Variants in PPP1R9A observed in about 807,000 individuals in gnomAD.
PPP1R9A encodes the protein neurabin-1.
PPP1R9A carries 59 observed loss-of-function variants against 141.9 expected under a neutral mutation model. The ratio of observed to expected loss-of-function variants is 0.42; its 90% confidence interval spans 0.34 to 0.52. The LOEUF is 0.52. PPP1R9A is among the 20% of genes least tolerant of loss of function. PPP1R9A has a pLI of 0.10. For synonymous variants in PPP1R9A, 500 were observed against 569.7 expected, an observed-to-expected ratio of 0.88 and a Z score of 1.74; for missense variants, 1,444 against 1,611.9, an observed-to-expected ratio of 0.90 and a Z score of 1.78.
chr7:95,047,814 C>T (rs555983549), intron 2 of PPP1R9A, among the ~76,000 whole-genome samples: 92 of 152,210 alleles, frequency 6.0e-4, no homozygotes, highest in Non-Finnish European at 1.1e-3. Flanking sequence ...TAGGCCTTTG[C>T]AGTTGGAAGT....
intron 2 of PPP1R9A, among the ~76,000 whole-genome samples, chr7:94,970,643 T>G (rs916985079): frequency 7.3e-5 from 11 of 150,638 alleles, no homozygotes; most frequent in Admixed American, 2.6e-4. Context: ...TTTTTTTTTT[T>G]TTTTTTTTTT....
At chr7:95,032,312 G>T (rs1395515965) in intron 2 of PPP1R9A, among the ~76,000 whole-genome samples, 2 of 152,054 alleles carry the variant, frequency 1.3e-5, no homozygotes, top group Admixed American at 6.6e-5. Context: ...ATGAAAACAT[G>T]TCACAGAGAG....
chr7:94,923,760 G>T (rs1311969114), intron 2 of PPP1R9A, among the ~76,000 whole-genome samples: 1 of 152,178 alleles, frequency 6.6e-6, no homozygotes, highest in African/African-American at 2.4e-5. Context: ...AGATAATGTT[G>T]TAGTATATAA....
At chr7:95,279,788 TTC>T (rs1803827486) in intron 16 of PPP1R9A, among the ~76,000 whole-genome samples, 1 of 152,238 alleles carries the variant, frequency 6.6e-6, no homozygotes, top group Non-Finnish European at 1.5e-5. Context: ...GTGGACACAT[TTC>T]TCTTTCAGAT....
At chr7:95,072,957 A>C (rs1402177336) in intron 2 of PPP1R9A, among the ~76,000 whole-genome samples, 1 of 130,144 alleles carries the variant, frequency 7.7e-6, no homozygotes, top group Non-Finnish European at 1.6e-5. Flanking sequence ...ATATATTATA[A>C]TATGTTATAT....
chr7:95,124,563 T>G (rs1468831345), intron 4 of PPP1R9A, among the ~76,000 whole-genome samples: 2 of 152,090 alleles, frequency 1.3e-5, no homozygotes, highest in Non-Finnish European at 2.9e-5. Context: ...ATGATAAGAT[T>G]TTCACCCCGA....
intron 2 of PPP1R9A, among the ~76,000 whole-genome samples, chr7:95,023,945 A>G (rs936393028): frequency 3.7e-4 from 57 of 152,152 alleles, no homozygotes; most frequent in African/African-American, 1.3e-3. Flanking sequence ...TTTCTCTCGA[A>G]ACACTGCTTT....
chr7:95,024,120 T>C (rs1469632150), intron 2 of PPP1R9A, among the ~76,000 whole-genome samples: 2 of 152,228 alleles, frequency 1.3e-5, no homozygotes, highest in Non-Finnish European at 2.9e-5. Context: ...TCCTGAGTTC[T>C]AATTTGATTG....
At chr7:95,031,727 G>A (rs1267437153) in intron 2 of PPP1R9A, among the ~76,000 whole-genome samples, 2 of 150,636 alleles carry the variant, frequency 1.3e-5, no homozygotes, top group African/African-American at 4.9e-5. Flanking sequence ...CTGCACTGCA[G>A]CCTGGGCAAG....
At chr7:94,931,732 C>G (rs565196882) in intron 2 of PPP1R9A, among the ~76,000 whole-genome samples, 17 of 152,260 alleles carry the variant, frequency 1.1e-4, no homozygotes, top group Admixed American at 1.0e-3. Context: ...GCATGCGCCA[C>G]TACATCCGGC....
intron 8 of PPP1R9A, among the ~76,000 whole-genome samples, chr7:95,246,875 C>T (rs1444542600): frequency 6.6e-6 from 1 of 152,102 alleles, no homozygotes; most frequent in Non-Finnish European, 1.5e-5. Context: ...TCTGAGTCTT[C>T]AAAAGGAGCA....
chr7:95,071,590 T>C (rs968901235), intron 2 of PPP1R9A, among the ~76,000 whole-genome samples: 5 of 151,924 alleles, frequency 3.3e-5, no homozygotes, highest in South Asian at 2.1e-4. Flanking sequence ...TGTCACAAAA[T>C]AGAGTTTACA....
chr7:95,186,285 A>G (rs1255333562), intron 5 of PPP1R9A, among the ~76,000 whole-genome samples: 2 of 151,984 alleles, frequency 1.3e-5, no homozygotes, highest in African/African-American at 4.8e-5. Flanking sequence ...CTGTTGTAAA[A>G]AAGGTTGAGT....
At chr7:95,085,101 T>C (rs1240866441) in intron 2 of PPP1R9A, among the ~76,000 whole-genome samples, 1 of 152,010 alleles carries the variant, frequency 6.6e-6, no homozygotes, top group African/African-American at 2.4e-5. Flanking sequence ...TAAAATGGAA[T>C]TCAGTGTTTT....
intron 2 of PPP1R9A, among the ~76,000 whole-genome samples, chr7:95,028,994 C>T (rs774217447): frequency 1.3e-5 from 2 of 151,908 alleles, no homozygotes; most frequent in Non-Finnish European, 2.9e-5. Context: ...TTTTTAAAGC[C>T]AAGGAAAATA....
chr7:94,996,004 G>A (rs1315285567), intron 2 of PPP1R9A, among the ~76,000 whole-genome samples: 2 of 152,118 alleles, frequency 1.3e-5, no homozygotes, highest in African/African-American at 4.8e-5. Context: ...TACAAGAACA[G>A]CATCTGGTCC....
At chr7:95,188,854 C>T (rs1279471159) in intron 5 of PPP1R9A, among the ~76,000 whole-genome samples, 1 of 152,008 alleles carries the variant, frequency 6.6e-6, no homozygotes, top group African/African-American at 2.4e-5. Context: ...GCCTCAGCCT[C>T]CCAAAGAATA....
At chr7:95,181,821 T>C (rs976424913) in intron 5 of PPP1R9A, among the ~76,000 whole-genome samples, 2 of 147,206 alleles carry the variant, frequency 1.4e-5, no homozygotes, top group African/African-American at 2.5e-5. Flanking sequence ...CATATATATA[T>C]ACATATATGA....
chr7:94,986,559 G>T (rs1800863097), intron 2 of PPP1R9A, among the ~76,000 whole-genome samples: 1 of 152,158 alleles, frequency 6.6e-6, no homozygotes. Flanking sequence ...AGCAATGTAG[G>T]ATGATTATGG....
Sources: allele counts gnomAD v4.1 joint callset (sites outside exome capture counted in the v4.1 genomes callset), GRCh38; gene constraint gnomAD v4.1.1; transcripts MANE v1.5; gene names NCBI Gene and HGNC (gene_info 2026-07-23, HGNC 2026-07-21).